Variants in DRG1 observed in about 807,000 individuals in gnomAD.
DRG1 encodes the protein developmentally-regulated GTP-binding protein 1.
A neutral mutation model predicts 38.8 loss-of-function variants in DRG1; 19 were observed. The observed-to-expected ratio is 0.49, with a 90% CI of 0.34 to 0.72. The LOEUF is 0.72. Ranked by LOEUF, DRG1 falls within the 30% of genes least tolerant of loss-of-function variation. The pLI is 0.01. For synonymous variants in DRG1, 167 were observed against 157.5 expected, an observed-to-expected ratio of 1.06 and a Z score of -0.45; for missense variants, 299 against 444.8, an observed-to-expected ratio of 0.67 and a Z score of 2.95.
In DRG1 at chr22:31,420,536, A is replaced by G. The variant is rs556285945; in HGVS notation, c.582+111A>G. 3.8e-4 allele frequency: 493 copies of G among 1,298,462 alleles called. 7 individuals are homozygous for G. In the South Asian group the frequency reaches 6.6e-3, roughly 17 times the overall value. The allele number at this position is 1,298,462 out of a possible 1,614,324, so 80.4% of individuals were successfully genotyped here. On this transcript the variant is annotated intron_variant, in intron 5 of 8. Transcript: ENST00000331457. Reference sequence around the variant, plus strand: ...AATTTCCTGGCTTTTCCCTGCACTAATTGAGATAACACAATGACTTTATAA... The same window carrying G: ...AATTTCCTGGCTTTTCCCTGCACTAGTTGAGATAACACAATGACTTTATAA...
At chr22:31,404,808 G>A (rs1205478355) in intron 3 of DRG1, among the ~76,000 whole-genome samples, 2 of 151,852 alleles carry the variant, frequency 1.3e-5, no homozygotes, top group Non-Finnish European at 2.9e-5. Flanking sequence ...ATTTTTAGTA[G>A]AGACGGAGTT....
At chr22:31,422,169 C>T (rs1053697210) in intron 5 of DRG1, among the ~76,000 whole-genome samples, 5 of 151,014 alleles carry the variant, frequency 3.3e-5, no homozygotes, top group South Asian at 2.1e-4. Context: ...CGGTGGCTTA[C>T]GCCTGTAATC....
intron 3 of DRG1, among the ~76,000 whole-genome samples, chr22:31,403,703 C>T (rs1601523922): frequency 6.6e-6 from 1 of 151,974 alleles, no homozygotes; most frequent in African/African-American, 2.4e-5. Flanking sequence ...AGGCTGGTCT[C>T]GAACTCCTGA....
intron 4 of DRG1, among the ~76,000 whole-genome samples, chr22:31,419,728 C>A (rs1416336685): frequency 6.6e-6 from 1 of 151,916 alleles, no homozygotes; most frequent in Non-Finnish European, 1.5e-5. Context: ...AAAAATTGTA[C>A]CTCAATAAAT....
chr22:31,434,182 A>T lies in DRG1; in HGVS notation c.*211A>T, dbSNP rs557666487. ...AAGATCTGGTAGGCTGGTCAGCTAC[A>T]TGCAGCTCATGTGTCATTGTCAGAA... On this transcript the variant is annotated 3_prime_UTR_variant, in exon 9 of 9. Coordinates refer to ENST00000331457, the MANE Select transcript of DRG1 (RefSeq NM_004147.4). The T allele has an allele frequency of 5.0e-5, 26 of 522,494 alleles. No individual in the cohort carries two copies. Among genetic ancestry groups the T allele is most frequent in the Non-Finnish European group, 9.0e-5 (26 of 287,412 alleles). 32.4% of individuals were successfully genotyped at this position (522,494 alleles called of 1,614,324 possible). A position where few individuals can be genotyped will look rare whatever the true frequency, so the allele number is the denominator to read the frequency against.
chr22:31,423,288 G>A lies in DRG1; in HGVS notation c.591G>A (p.Gln197=), dbSNP rs141775898. 29 of 1,613,842 alleles carry A rather than the reference G, an allele frequency of 1.8e-5. No homozygotes were observed. The highest frequency in any genetic ancestry group is 2.5e-5 in the Non-Finnish European group (29 of 1,180,018). ...GGINLTATCP[Q]SELDAETVKS... is the part of the protein sequence containing the mutation. ...CTGCTATTCCCTTTCAGTGCCCCCAGAGTGAGCTGGATGCTGAAACTGTGA... is the reference window on the plus strand; with the variant it reads ...CTGCTATTCCCTTTCAGTGCCCCCAAAGTGAGCTGGATGCTGAAACTGTGA... The change falls in exon 6 of 9, where the codon CAG becomes CAA. Residue 197 remains glutamine, a synonymous_variant. Coordinates refer to ENST00000331457, the MANE Select transcript of DRG1 (RefSeq NM_004147.4).
chr22:31,426,852 G>A, intron 7 of DRG1, 70 bp downstream of exon 7: 2 of 1,552,446 alleles, frequency 1.3e-6, no homozygotes, highest in Non-Finnish European at 1.7e-6. Flanking sequence ...ATACTTTCTG[G>A]AGCTCATTAA....
At chr22:31,416,462 A>G (rs2050044806) in intron 4 of DRG1, among the ~76,000 whole-genome samples, 1 of 152,140 alleles carries the variant, frequency 6.6e-6, no homozygotes, top group African/African-American at 2.4e-5. Flanking sequence ...GGCTTAAGAT[A>G]TCACTGGCCG....
intron 4 of DRG1, among the ~76,000 whole-genome samples, chr22:31,418,941 G>A (rs1447611891): frequency 1.3e-5 from 2 of 152,004 alleles, no homozygotes; most frequent in South Asian, 2.1e-4. Flanking sequence ...TCAGCGTCCC[G>A]AACTGCTGGG....
At chr22:31,399,939 T>C (rs1210721175) in intron 1 of DRG1, among the ~76,000 whole-genome samples, 1 of 152,028 alleles carries the variant, frequency 6.6e-6, no homozygotes, top group Non-Finnish European at 1.5e-5. Context: ...GCGTCTACGC[T>C]CTCGGACTCC....
intron 6 of DRG1, among the ~76,000 whole-genome samples, chr22:31,423,898 CT>C (rs1225681391): frequency 2.3e-5 from 3 of 131,612 alleles, no homozygotes; most frequent in African/African-American, 8.7e-5. Flanking sequence ...GAGTTTCGCT[CT>C]TGTTAGCCAG....
At chr22:31,428,217 C>CT (rs59696131) in intron 8 of DRG1, among the ~76,000 whole-genome samples, 5,390 of 143,728 alleles carry the variant, frequency 0.038, 423 homozygotes, top group East Asian at 0.34. Flanking sequence ...CACAAAGTTT[C>CT]TTTTTTTTTT....
chr22:31,413,609 G>T (rs1417131331), intron 4 of DRG1, among the ~76,000 whole-genome samples: 4 of 60,486 alleles, frequency 6.6e-5, no homozygotes, highest in Non-Finnish European at 8.8e-5. Flanking sequence ...CCTATTGTGG[G>T]TTTTTTTTTT....
chr22:31,418,656 C>T (rs2050057781), intron 4 of DRG1, among the ~76,000 whole-genome samples: 1 of 150,972 alleles, frequency 6.6e-6, no homozygotes, highest in Non-Finnish European at 1.5e-5. Flanking sequence ...TACAGGTGTC[C>T]ACTACCATGG....
At chr22:31,424,826 G>A (rs1353684641) in intron 6 of DRG1, among the ~76,000 whole-genome samples, 2 of 46,338 alleles carry the variant, frequency 4.3e-5, no homozygotes, top group East Asian at 2.0e-3. Flanking sequence ...TTTTTTTTTT[G>A]GAGTCTTGCT....
In DRG1 at chr22:31,426,785, A is replaced by C. The variant is rs1374048041; in HGVS notation, c.881+3A>C. 1 of 1,613,796 alleles carries C rather than the reference A, an allele frequency of 6.2e-7. No individual in the cohort carries two copies. Among genetic ancestry groups the C allele is most frequent in the South Asian group, 1.1e-5 (1 of 91,014 alleles). On this transcript the variant is annotated splice_donor_region_variant and intron_variant, in intron 7 of 8. Transcript: ENST00000331457. ...GACTATCTGAAACTAGTGAGAATGTAAGTCTTTGTGGATAGGGTAATGTTG... is the reference window on the plus strand; with the variant it reads ...GACTATCTGAAACTAGTGAGAATGTCAGTCTTTGTGGATAGGGTAATGTTG...
intron 3 of DRG1, among the ~76,000 whole-genome samples, chr22:31,407,404 T>C (rs1204212630): frequency 6.6e-6 from 1 of 152,144 alleles, no homozygotes; most frequent in East Asian, 1.9e-4. Flanking sequence ...GGTACGATCA[T>C]GGCTCACTGC....
chr22:31,413,542 C>CT (rs994985333), intron 4 of DRG1, among the ~76,000 whole-genome samples: 33 of 148,072 alleles, frequency 2.2e-4, no homozygotes, highest in Non-Finnish European at 3.6e-4. Flanking sequence ...CTGATTTTTC[C>CT]TTTTTTTAGC....
chr22:31,420,557 T>G (rs548322843), intron 5 of DRG1, 132 bp downstream of exon 5: 2 of 1,118,630 alleles, frequency 1.8e-6, no homozygotes, highest in African/African-American at 3.2e-5. Flanking sequence ...ACAATGACTT[T>G]ATAATGACTG....
Sources: allele counts gnomAD v4.1 joint callset (sites outside exome capture counted in the v4.1 genomes callset), GRCh38; gene constraint gnomAD v4.1.1; transcripts MANE v1.5; gene names NCBI Gene and HGNC (gene_info 2026-07-23, HGNC 2026-07-21).